TENM1: variants seen among roughly 807,000 people sequenced by gnomAD.
The protein encoded by TENM1 is teneurin-1.
A neutral mutation model predicts 174.8 loss-of-function variants in TENM1; 35 were observed. That is an observed-to-expected ratio of 0.20 (90% CI 0.15 to 0.27). The LOEUF (loss-of-function observed/expected upper bound fraction) is 0.27. Ranked by LOEUF, TENM1 falls within the 10% of genes least tolerant of loss-of-function variation. The pLI, the probability that TENM1 is intolerant of heterozygous loss-of-function variation, is 1.00. For missense variants in TENM1, 1,633 were observed against 2,130.1 expected, an observed-to-expected ratio of 0.77 and a Z score of 4.59; for synonymous variants, 781 against 798.7, an observed-to-expected ratio of 0.98 and a Z score of 0.37.
chrX:124,593,291 C>T (rs1354152308), intron 11 of TENM1, among the ~76,000 whole-genome samples: 1 of 111,221 alleles, frequency 9.0e-6, no homozygotes, highest in Non-Finnish European at 1.9e-5. Context: ...GATGCCAATC[C>T]AGGTGAGTTG....
intron 1 of TENM1, among the ~76,000 whole-genome samples, chrX:124,950,565 T>G (rs756671011): frequency 3.8e-4 from 43 of 112,158 alleles, no homozygotes; most frequent in Non-Finnish European, 5.8e-4. Context: ...GATTGCTGAG[T>G]TGAACTCTGG....
At chrX:124,410,429 C>T (rs1231725162) in intron 25 of TENM1, among the ~76,000 whole-genome samples, 1 of 111,876 alleles carries the variant, frequency 8.9e-6, no homozygotes, top group African/African-American at 3.3e-5. Context: ...TAGAAGAAAA[C>T]CTAGGCATTA....
chrX:124,695,570 G>C (rs2148479293), intron 5 of TENM1, among the ~76,000 whole-genome samples: 1 of 111,238 alleles, frequency 9.0e-6, no homozygotes, highest in East Asian at 2.8e-4. Flanking sequence ...CAGTCAGTGA[G>C]TAATCCAAAT....
chrX:125,186,248 G>A, the TENM1 span, among the ~76,000 whole-genome samples: 9 of 111,506 alleles, frequency 8.1e-5, no homozygotes, highest in Non-Finnish European at 1.3e-4. Context: ...AGATTAAATG[G>A]CTTTTTCAAA....
At chrX:124,881,734 TG>T (rs1255610539) in intron 3 of TENM1, among the ~76,000 whole-genome samples, 13 of 109,357 alleles carry the variant, frequency 1.2e-4, no homozygotes, top group African/African-American at 2.0e-4. Context: ...TGTTTTGTTT[TG>T]TTTTTTTTTT....
chrX:125,024,758 A>G, the TENM1 span, among the ~76,000 whole-genome samples: 1 of 112,226 alleles, frequency 8.9e-6, no homozygotes, highest in Non-Finnish European at 1.9e-5. Flanking sequence ...TTTAAAAATA[A>G]AATAAAATAA....
the TENM1 span, among the ~76,000 whole-genome samples, chrX:125,198,552 C>G: frequency 9.0e-6 from 1 of 111,525 alleles, no homozygotes; most frequent in African/African-American, 3.2e-5. Context: ...TGAGTAGGGA[C>G]AAAGAGGGTT....
At chrX:124,471,366 CT>C (rs2061318273) in intron 22 of TENM1, among the ~76,000 whole-genome samples, 1 of 31,356 alleles carries the variant, frequency 3.2e-5, no homozygotes. Flanking sequence ...ATATATAGTA[CT>C]ATATATTATA....
the TENM1 span, among the ~76,000 whole-genome samples, chrX:125,041,439 T>G: frequency 2.7e-5 from 3 of 111,181 alleles, no homozygotes; most frequent in Non-Finnish European, 5.7e-5. Flanking sequence ...CGAGCAGAGG[T>G]GAGTCCTAAT....
intron 18 of TENM1, among the ~76,000 whole-genome samples, chrX:124,515,861 T>C (rs1416235458): frequency 9.2e-6 from 1 of 108,594 alleles, no homozygotes; most frequent in East Asian, 2.9e-4. Context: ...AAAATTCATA[T>C]GGAACCCCCC....
At chrX:125,007,305 A>C in the TENM1 span, among the ~76,000 whole-genome samples, 10 of 110,314 alleles carry the variant, frequency 9.1e-5, no homozygotes, top group Admixed American at 2.9e-4. Flanking sequence ...TGCTGAAATA[A>C]GGCACGCAGA....
At chrX:125,197,785 T>C in the TENM1 span, among the ~76,000 whole-genome samples, 1 of 112,063 alleles carries the variant, frequency 8.9e-6, no homozygotes, top group Non-Finnish European at 1.9e-5. Flanking sequence ...AGTTCTACCT[T>C]GAACATATAT....
intron 20 of TENM1, among the ~76,000 whole-genome samples, chrX:124,489,311 C>T (rs1199271600): frequency 8.9e-6 from 1 of 112,606 alleles, no homozygotes; most frequent in African/African-American, 3.2e-5. Context: ...TTGATTTTCT[C>T]AAGATCCAGG....
At chrX:124,689,628 A>C (rs1419537473) in intron 5 of TENM1, among the ~76,000 whole-genome samples, 2 of 110,940 alleles carry the variant, frequency 1.8e-5, no homozygotes, top group African/African-American at 6.6e-5. Context: ...GATGTTGTAC[A>C]AGCTCCTAAG....
the TENM1 span, among the ~76,000 whole-genome samples, chrX:125,187,800 G>A: frequency 9.0e-6 from 1 of 110,982 alleles, no homozygotes; most frequent in Admixed American, 9.6e-5. Flanking sequence ...ATGTCTGTGT[G>A]TATGCACATA....
intron 16 of TENM1, among the ~76,000 whole-genome samples, chrX:124,528,452 T>TCTC (rs2048029701): frequency 9.0e-6 from 1 of 111,114 alleles, no homozygotes; most frequent in Admixed American, 9.6e-5. Flanking sequence ...AAGTCAAATG[T>TCTC]CTCAGAAGAC....
chrX:124,439,430 A>G lies in TENM1; in HGVS notation c.4104+13907T>C, dbSNP rs184021087. Reference sequence around the variant, plus strand: ...TCCATAGTCATCACAACAGTATGTGAAAGTAGAAAGAAGATGAAGTATTTG... The same window carrying G: ...TCCATAGTCATCACAACAGTATGTGGAAGTAGAAAGAAGATGAAGTATTTG... On this transcript the variant is annotated intron_variant, in intron 23 of 31. Transcript: ENST00000422452. Among the ~76,000 whole-genome samples, 12 of 112,198 alleles carry G rather than the reference A, an allele frequency of 1.1e-4. No individual in the cohort carries two copies. In the East Asian group the frequency reaches 3.3e-3, roughly 31 times the overall value.
chrX:125,202,068 C>G, the TENM1 span, among the ~76,000 whole-genome samples: 3 of 111,351 alleles, frequency 2.7e-5, no homozygotes, highest in Non-Finnish European at 5.7e-5. Context: ...TAAGCCTTTC[C>G]CTCTTAGACT....
chrX:125,059,761 T>C, the TENM1 span, among the ~76,000 whole-genome samples: 1 of 111,724 alleles, frequency 9.0e-6, no homozygotes, highest in Admixed American at 9.6e-5. Context: ...GTGGTACATA[T>C]ACACAAAGGA....
Sources: allele counts gnomAD v4.1 joint callset (sites outside exome capture counted in the v4.1 genomes callset), GRCh38; gene constraint gnomAD v4.1.1; transcripts MANE v1.5; gene names NCBI Gene and HGNC (gene_info 2026-07-23, HGNC 2026-07-21).